ABLIM2: variants seen among roughly 807,000 people sequenced by gnomAD.
ABLIM2 encodes actin-binding LIM protein 2.
Under a neutral mutation model 97.7 loss-of-function variants are expected in ABLIM2, and 53 were observed. The ratio of observed to expected loss-of-function variants is 0.54; its 90% CI spans 0.44 to 0.68. The LOEUF is 0.68. ABLIM2 is among the 30% of genes least tolerant of loss of function. The probability of loss-of-function intolerance (pLI) is 0.00; values close to 1 mark genes in which losing one functional copy is unlikely to be tolerated. For synonymous variants in ABLIM2, 361 were observed against 345.8 expected (o/e 1.04, Z -0.49); for missense variants, 835 against 867.2 (o/e 0.96, Z 0.47).
At chr4:8,118,470 G>A (rs1441421804) in intron 1 of ABLIM2, among the ~76,000 whole-genome samples, 1 of 152,186 alleles carries the variant, frequency 6.6e-6, no homozygotes, top group East Asian at 1.9e-4. Context: ...CAGCATGATG[G>A]AGTCTCCAAG....
intron 7 of ABLIM2, among the ~76,000 whole-genome samples, chr4:8,060,113 A>G (rs558513060): frequency 1.3e-5 from 2 of 152,146 alleles, no homozygotes; most frequent in African/African-American, 4.8e-5. Context: ...AAAGGTAGAA[A>G]ATTGTGTTTC....
intron 20 of ABLIM2, among the ~76,000 whole-genome samples, chr4:7,977,865 T>C (rs756830520): frequency 1.5e-4 from 23 of 151,956 alleles, no homozygotes; most frequent in Admixed American, 2.6e-4. Flanking sequence ...CCTAGAAATA[T>C]CCGTGTCAAA....
chr4:8,007,722 C>G, intron 16 of ABLIM2: 8 of 1,084,854 alleles, frequency 7.4e-6, no homozygotes, highest in Non-Finnish European at 9.0e-6. Flanking sequence ...CTGGAGGGAA[C>G]AGGCCCTGAC....
At chr4:8,105,367 C>T (rs190490354) in intron 2 of ABLIM2, among the ~76,000 whole-genome samples, 1 of 152,230 alleles carries the variant, frequency 6.6e-6, no homozygotes, top group Non-Finnish European at 1.5e-5. Flanking sequence ...CAGCAGACAG[C>T]GAATGTGTCC....
Position 8,029,746 on chromosome 4 carries a change from A to G in ABLIM2, c.1078T>C (p.Cys360Arg). The change falls in exon 11 of 21, where the codon TGT becomes CGT. Residue 360 changes from cysteine (C) to arginine (R), a missense_variant. Transcript: ENST00000447017. ...GTGGAGCTTGGGCTGGAGGTCCGAC[A>G]CTGCTTGTAGGACCGGTCATCCTGA... ...GDQDDRSYKQ[C>R]RTSSPSSTGS... is the part of the protein sequence containing the mutation. 1 of 1,564,898 alleles carries G rather than the reference A, an allele frequency of 6.4e-7. No homozygotes were observed. Among genetic ancestry groups the G allele is most frequent in the Non-Finnish European group, 8.7e-7 (1 of 1,155,030 alleles).
In ABLIM2 at chr4:8,080,752, A is replaced by G; in HGVS notation, c.505T>C (p.Leu169=). Residue 169 remains leucine (L), a synonymous_variant, in exon 5 of 21, where the codon TTG becomes CTG. Transcript: ENST00000447017. ...CAGCCCAAGTGCCAGTGCTTGTCCAAGGCTACCAGGGCCTGGCCATTCTTG... is the reference window on the plus strand; with the variant it reads ...CAGCCCAAGTGCCAGTGCTTGTCCAGGGCTACCAGGGCCTGGCCATTCTTG... The part of the protein sequence containing the change: ...EIKNGQALVA[L]DKHWHLGCFK... 7 of 1,612,450 alleles carry G rather than the reference A, an allele frequency of 4.3e-6. No individual in the cohort carries two copies. Among genetic ancestry groups the G allele is most frequent in the Non-Finnish European group, 5.9e-6 (7 of 1,178,870 alleles).
intron 3 of ABLIM2, among the ~76,000 whole-genome samples, chr4:8,090,061 G>A (rs1408437589): frequency 6.6e-6 from 1 of 152,190 alleles, no homozygotes; most frequent in African/African-American, 2.4e-5. Context: ...GGTTCCCACT[G>A]GGCCAGTACC....
rs1183563619 is a variant in ABLIM2 at position 8,123,450 on chromosome 4, C to T, written c.11-16813G>A. On this transcript the variant is annotated intron_variant, in intron 1 of 20. Transcript: ENST00000447017. The surrounding 1 kb of genome is among the most constrained non-coding windows in gnomAD (Gnocchi z 6.2). The stretch of plus-strand genomic sequence containing the variant: ...TCTGCCTGTCTGCCCTCCCGTCTCC[C>T]CCTCAAATTCCTGACCCTTCTCATG... Among the ~76,000 whole-genome samples the T allele has an allele frequency of 6.6e-6, 1 of 152,204 alleles. No homozygotes were observed. Among genetic ancestry groups the T allele is most frequent in the Non-Finnish European group, 1.5e-5 (1 of 68,018 alleles).
chr4:8,016,620 C>A (rs1446406696), intron 14 of ABLIM2, among the ~76,000 whole-genome samples: 1 of 152,088 alleles, frequency 6.6e-6, no homozygotes, highest in East Asian at 1.9e-4. Context: ...TTTTCTCAGA[C>A]CAGACAAACT....
chr4:8,078,806 T>C (rs1050014511), intron 5 of ABLIM2, among the ~76,000 whole-genome samples: 1 of 152,200 alleles, frequency 6.6e-6, no homozygotes, highest in African/African-American at 2.4e-5. Context: ...GGCTGAAGCA[T>C]TGTCATTACT....
chr4:8,104,314 C>A (rs1197363512), intron 2 of ABLIM2, among the ~76,000 whole-genome samples: 1 of 152,216 alleles, frequency 6.6e-6, no homozygotes, highest in African/African-American at 2.4e-5. Flanking sequence ...CGTTGTTCTT[C>A]CAAAGTAGCC....
At chr4:8,101,210 G>A (rs1381118650) in intron 2 of ABLIM2, among the ~76,000 whole-genome samples, 1 of 152,214 alleles carries the variant, frequency 6.6e-6, no homozygotes, top group South Asian at 2.1e-4. Flanking sequence ...GCCGGGCATC[G>A]CAGCTCCGAG....
chr4:7,988,128 T>A (rs1745868448), intron 17 of ABLIM2, among the ~76,000 whole-genome samples: 1 of 152,214 alleles, frequency 6.6e-6, no homozygotes, highest in Non-Finnish European at 1.5e-5. Flanking sequence ...GTTCAAGCAA[T>A]TCTCCTGCCT....
Position 7,992,985 on chromosome 4 carries a change from T to C in ABLIM2, c.1619-58A>G. On this transcript the variant is annotated intron_variant, in intron 16 of 20. Transcript: ENST00000447017. The surrounding 1 kb of genome is among the most constrained non-coding windows in gnomAD (Gnocchi z 5.7). ...CGCAGACTCGGTGCAGCAATGGGGG[T>C]GCAGCCCTGGGGGGGCTTCCCACCG... 6.3e-7 allele frequency: 1 copy of C among 1,578,740 alleles called. No individual in the cohort carries two copies. Among genetic ancestry groups the C allele is most frequent in the Non-Finnish European group, 8.7e-7 (1 of 1,155,032 alleles).
intron 8 of ABLIM2, among the ~76,000 whole-genome samples, chr4:8,048,224 G>A (rs1007578167): frequency 2.6e-5 from 4 of 152,204 alleles, no homozygotes; most frequent in Admixed American, 2.0e-4. Context: ...GGAGGCTGGA[G>A]CTTTTTCTGA....
intron 8 of ABLIM2, among the ~76,000 whole-genome samples, chr4:8,051,815 C>A (rs1796232838): frequency 6.6e-6 from 1 of 152,188 alleles, no homozygotes; most frequent in Non-Finnish European, 1.5e-5. Context: ...CATCAGGGCG[C>A]CCTGCATTTG....
chr4:7,987,453 C>T lies in ABLIM2; in HGVS notation c.1681-2560G>A, dbSNP rs1264604758. The stretch of plus-strand genomic sequence containing the variant: ...CAATGTTTTGATACATTTTCTTAGT[C>T]TCAGACTACCATCCCAGGTGCACCT... On this transcript the variant is annotated intron_variant, in intron 17 of 20. Transcript: ENST00000447017. 2.0e-5 allele frequency among the ~76,000 whole-genome samples: 3 copies of T among 151,874 alleles called. No individual in the cohort carries two copies. The East Asian group carries it at 5.8e-4, about 29-fold the overall frequency.
intron 7 of ABLIM2, among the ~76,000 whole-genome samples, chr4:8,059,954 T>C (rs1462986552): frequency 3.3e-5 from 5 of 151,192 alleles, no homozygotes; most frequent in African/African-American, 7.3e-5. Flanking sequence ...AGCTGCCTCT[T>C]GGAGATCTGC....
intron 1 of ABLIM2, among the ~76,000 whole-genome samples, chr4:8,154,227 G>A: frequency 6.7e-6 from 1 of 149,108 alleles, no homozygotes; most frequent in Non-Finnish European, 1.5e-5. Flanking sequence ...CTCCCAAAGT[G>A]CTGGGATTAC....
Sources: gnomAD v4.1 joint callset for allele counts (sites outside exome capture counted in the v4.1 genomes callset) on GRCh38, gnomAD v4.1.1 for gene constraint, Gnocchi (gnomAD v3.1) non-coding constraint, MANE v1.5 for transcripts, NCBI Gene and HGNC (gene_info 2026-07-23, HGNC 2026-07-21) for gene names.